The following DNAJC5 variants were observed in gnomAD, a reference collection of about 807,000 sequenced individuals.
DNAJC5 encodes the protein DnaJ heat shock protein family (Hsp40) member C5.
In DNAJC5, 1 loss-of-function variant was observed where a neutral mutation model predicts 23.2. The observed-to-expected ratio is 0.04, with a 90% confidence interval of 0.02 to 0.20. The LOEUF is 0.20. Ranked by LOEUF, DNAJC5 falls within the 10% of genes least tolerant of loss-of-function variation. The probability of loss-of-function intolerance (pLI) is 1.00; values close to 1 mark genes in which losing one functional copy is unlikely to be tolerated. For synonymous variants in DNAJC5, 136 were observed against 120.0 expected (o/e 1.13, Z -0.87); for missense variants, 180 against 267.0 (o/e 0.67, Z 2.27).
chr20:63,903,647 TA>T (rs1568975440), intron 1 of DNAJC5, among the ~76,000 whole-genome samples: 4 of 152,084 alleles, frequency 2.6e-5, no homozygotes, highest in African/African-American at 9.7e-5. Context: ...TAGAAATTTT[TA>T]AAAAATTAAA....
rs1022113445 is a variant in DNAJC5, at chr20:63,923,806, A to C, written c.-11-4529A>C. On this transcript the variant is annotated intron_variant, in intron 1 of 4. Coordinates refer to ENST00000360864, the MANE Select transcript of DNAJC5 (RefSeq NM_025219.3). ...CCTGAAATGGTAAGAATGAAAAGAA[A>C]ATCTGCCAAGTCCATCCGTTCCTAC... Among the ~76,000 whole-genome samples the C allele has an allele frequency of 4.0e-4, 61 of 152,320 alleles. 1 individual carries two copies. The highest frequency in any genetic ancestry group is 1.4e-3 in the African/African-American group (60 of 41,576).
At chr20:63,930,590 G>A (rs576855066) in intron 3 of DNAJC5, among the ~76,000 whole-genome samples, 5 of 152,286 alleles carry the variant, frequency 3.3e-5, no homozygotes, top group African/African-American at 9.6e-5. Flanking sequence ...CTCGTGATCC[G>A]CCAGCCTCGG....
chr20:63,921,110 C>A (rs1056916792), intron 1 of DNAJC5, among the ~76,000 whole-genome samples: 2 of 152,056 alleles, frequency 1.3e-5, no homozygotes, highest in African/African-American at 4.8e-5. Context: ...CAGGCATGTG[C>A]CATCACGCCC....
Position 63,920,244 on chromosome 20 carries a change from G to T in DNAJC5, c.-11-8091G>T, listed in dbSNP as rs2053556719. Among the ~76,000 whole-genome samples the T allele has an allele frequency of 6.6e-6, 1 of 152,268 alleles. No individual in the cohort carries two copies. The highest frequency in any genetic ancestry group is 6.5e-5 in the Admixed American group (1 of 15,286). ...CTGAGTGAGGGCTCTCCAGCCAGCAGGGAGCAGGGCAGGGTGTTGAAGAGA... is the reference window on the plus strand; with the variant it reads ...CTGAGTGAGGGCTCTCCAGCCAGCATGGAGCAGGGCAGGGTGTTGAAGAGA... On this transcript the variant is annotated intron_variant, in intron 1 of 4. Coordinates refer to ENST00000360864, the MANE Select transcript of DNAJC5 (RefSeq NM_025219.3). The surrounding 1 kb of genome is among the most constrained non-coding windows in gnomAD (Gnocchi z 4.6).
chr20:63,919,912 C>T (rs549849337), intron 1 of DNAJC5: 2 of 226,496 alleles, frequency 8.8e-6, no homozygotes, highest in African/African-American at 3.2e-4. Flanking sequence ...CGGAAGAGGA[C>T]GCACCCGGCT....
intron 1 of DNAJC5, among the ~76,000 whole-genome samples, chr20:63,925,218 G>A (rs992500054): frequency 9.2e-5 from 14 of 152,314 alleles, no homozygotes; most frequent in African/African-American, 3.1e-4. Flanking sequence ...GGGCACGGTG[G>A]CTCACGCCTG....
At chr20:63,916,281 G>A (rs1376724777) in intron 1 of DNAJC5, among the ~76,000 whole-genome samples, 1 of 152,134 alleles carries the variant, frequency 6.6e-6, no homozygotes, top group African/African-American at 2.4e-5. Context: ...TTTCAATGTA[G>A]GTTCTTTCTA....
intron 1 of DNAJC5, among the ~76,000 whole-genome samples, chr20:63,904,558 G>C (rs764431942): frequency 6.6e-6 from 1 of 152,176 alleles, no homozygotes; most frequent in Non-Finnish European, 1.5e-5. Context: ...CTGACCTCCA[G>C]GTGGGCGGAC....
At chr20:63,901,789 T>TA (rs143393880) in intron 1 of DNAJC5, among the ~76,000 whole-genome samples, 172 of 152,356 alleles carry the variant, frequency 1.1e-3, no homozygotes, top group African/African-American at 4.1e-3. Flanking sequence ...TGTGTTTTAT[T>TA]GTAAGAAGGT....
In DNAJC5 at chr20:63,929,716, GTCACTCC is replaced by G. The variant is rs1425886188; in HGVS notation, c.321+193_321+199del. On this transcript the variant is annotated intron_variant, in intron 3 of 4. Transcript: ENST00000360864. The surrounding 1 kb of genome is among the most constrained non-coding windows in gnomAD (Gnocchi z 8.6). ...TCACTCCTGCCGTGCGGGCGCCCGAGTCACTCCTGCCGTGCGGGCACCCGAGTCTCTC... is the reference window on the plus strand; with the variant it reads ...TCACTCCTGCCGTGCGGGCGCCCGAGTGCCGTGCGGGCACCCGAGTCTCTC... Among the ~76,000 whole-genome samples, 1 of 151,046 alleles carries G rather than the reference GTCACTCC, an allele frequency of 6.6e-6. No individual in the cohort carries two copies. The highest frequency in any genetic ancestry group is 1.5e-5 in the Non-Finnish European group (1 of 67,952).
At chr20:63,922,080 C>T (rs7264220) in intron 1 of DNAJC5, among the ~76,000 whole-genome samples, 12,598 of 152,044 alleles carry the variant, frequency 0.083, 573 homozygotes, top group East Asian at 0.13. Context: ...CTCCCGGCCC[C>T]CTTGAAATTT....
intron 1 of DNAJC5, among the ~76,000 whole-genome samples, chr20:63,917,338 G>A (rs537368643): frequency 8.6e-5 from 13 of 150,588 alleles, no homozygotes; most frequent in Non-Finnish European, 1.6e-4. Flanking sequence ...CACTGCAGCC[G>A]CCGCCTCCTG....
At chr20:63,924,449 C>T (rs1008782053) in intron 1 of DNAJC5, among the ~76,000 whole-genome samples, 8 of 152,146 alleles carry the variant, frequency 5.3e-5, no homozygotes, top group Admixed American at 3.3e-4. Flanking sequence ...TGTGGTGGCA[C>T]GATCATGGCT....
chr20:63,905,662 T>C (rs888998671), intron 1 of DNAJC5, among the ~76,000 whole-genome samples: 5 of 150,828 alleles, frequency 3.3e-5, no homozygotes, highest in African/African-American at 1.2e-4. Context: ...CTCCGCCTCC[T>C]GGGTTCAAGC....
intron 1 of DNAJC5, among the ~76,000 whole-genome samples, chr20:63,924,771 G>A (rs1226781006): frequency 6.6e-6 from 1 of 152,206 alleles, no homozygotes; most frequent in Non-Finnish European, 1.5e-5. Context: ...CCTGGGAGGC[G>A]GAGGTTGCAG....
chr20:63,931,789 CT>C lies in DNAJC5; in HGVS notation c.*227del. ...TAGCTACGGTCTTCTGTTTTTTTCC[CT>C]TTTTTAATAGCATGTATGGGGTTCT... is the stretch of plus-strand genomic sequence containing the variant. On this transcript the variant is annotated 3_prime_UTR_variant, in exon 5 of 5. Coordinates refer to ENST00000360864, the MANE Select transcript of DNAJC5 (RefSeq NM_025219.3). The surrounding 1 kb of genome is among the most constrained non-coding windows in gnomAD (Gnocchi z 9.6). The C allele has an allele frequency of 1.7e-6, 1 of 602,586 alleles. No homozygotes were observed. The highest frequency in any genetic ancestry group is 3.0e-6 in the Non-Finnish European group (1 of 335,348). 37.3% of individuals were successfully genotyped at this position (602,586 alleles called of 1,614,324 possible). A position where few individuals can be genotyped will look rare whatever the true frequency, so the allele number is the denominator to read the frequency against.
At chr20:63,899,582 ATTTTCTTT>A (rs1320779659) in intron 1 of DNAJC5, among the ~76,000 whole-genome samples, 1 of 152,132 alleles carries the variant, frequency 6.6e-6, no homozygotes, top group African/African-American at 2.4e-5. Flanking sequence ...ACAGCATTTC[ATTTTCTTT>A]TGTTTTTTTG....
intron 1 of DNAJC5, among the ~76,000 whole-genome samples, chr20:63,919,140 T>G (rs2053540794): frequency 6.6e-6 from 1 of 152,244 alleles, no homozygotes. Flanking sequence ...TTTTTACCCC[T>G]GAAGATCTTT....
rs180673391 is a variant in DNAJC5 at position 63,911,266 on chromosome 20, C to T, written c.-12+15943C>T. Among the ~76,000 whole-genome samples, 21 of 152,258 alleles carry T rather than the reference C, an allele frequency of 1.4e-4. No homozygotes were observed. In the East Asian group the frequency reaches 3.7e-3, roughly 27 times the overall value. ...GGAATGGTTTTATAGTTTCAGGAAACCGTGGTTCTGGGCAGGGTGGCAGCT... is the reference window on the plus strand; with the variant it reads ...GGAATGGTTTTATAGTTTCAGGAAATCGTGGTTCTGGGCAGGGTGGCAGCT... On this transcript the variant is annotated intron_variant, in intron 1 of 4. Coordinates refer to ENST00000360864, the MANE Select transcript of DNAJC5 (RefSeq NM_025219.3).
Sources: gnomAD v4.1 joint callset for allele counts (sites outside exome capture counted in the v4.1 genomes callset) on GRCh38, gnomAD v4.1.1 for gene constraint, Gnocchi (gnomAD v3.1) non-coding constraint, MANE v1.5 for transcripts, NCBI Gene and HGNC (gene_info 2026-07-23, HGNC 2026-07-21) for gene names.